DGCR2: variants seen among roughly 807,000 people sequenced by gnomAD.
DGCR2 encodes DiGeorge syndrome critical region gene 2.
In DGCR2, 24 loss-of-function variants were observed where a neutral mutation model predicts 51.6. The observed-to-expected ratio is 0.47, with a 90% confidence interval of 0.34 to 0.65. The LOEUF (loss-of-function observed/expected upper bound fraction) is 0.65. Among genes scored for constraint, DGCR2 ranks in the 30% least tolerant of loss-of-function variants. The probability of loss-of-function intolerance (pLI) is 0.01; values close to 1 mark genes in which losing one functional copy is unlikely to be tolerated. For missense variants in DGCR2, 765 were observed against 772.1 expected (o/e 0.99, Z 0.11); for synonymous variants, 340 against 315.4 (o/e 1.08, Z -0.82).
chr22:19,049,188 C>T (rs2082522915), intron 6 of DGCR2, among the ~76,000 whole-genome samples: 1 of 152,224 alleles, frequency 6.6e-6, no homozygotes, highest in Non-Finnish European at 1.5e-5. Context: ...TAAGATGCAG[C>T]TGCTATGAGT....
intron 1 of DGCR2, among the ~76,000 whole-genome samples, chr22:19,101,332 T>G (rs1489711334): frequency 6.6e-6 from 1 of 152,088 alleles, no homozygotes. Flanking sequence ...CCATGACAGA[T>G]GGGAGGATAA....
At chr22:19,062,775 G>GCTCGCGCTCTCGCTCTCTCTCT (rs1491258740) in intron 5 of DGCR2, among the ~76,000 whole-genome samples, 1 of 108,860 alleles carries the variant, frequency 9.2e-6, no homozygotes, top group Non-Finnish European at 1.9e-5. Context: ...ACACATGCAT[G>GCTCGCGCTCTCGCTCTCTCTCT]CTCACTCTCT....
intron 6 of DGCR2, among the ~76,000 whole-genome samples, chr22:19,052,815 A>C (rs531097096): frequency 6.6e-6 from 1 of 152,150 alleles, no homozygotes; most frequent in Non-Finnish European, 1.5e-5. Context: ...TAAAAGTAAC[A>C]ATTTGGATGA....
At chr22:19,062,779 A>ATTCATTTT in intron 5 of DGCR2, among the ~76,000 whole-genome samples, 5 of 127,348 alleles carry the variant, frequency 3.9e-5, no homozygotes, top group Non-Finnish European at 7.2e-5. Context: ...ATGCATGCTC[A>ATTCATTTT]CTCTCTCTCT....
intron 1 of DGCR2, among the ~76,000 whole-genome samples, chr22:19,120,510 A>G (rs2083420672): frequency 6.6e-6 from 1 of 152,168 alleles, no homozygotes. Context: ...AAGCACCCAC[A>G]GGCACTTTCT....
intron 2 of DGCR2, among the ~76,000 whole-genome samples, chr22:19,083,018 C>T (rs969703400): frequency 1.4e-5 from 2 of 145,992 alleles, no homozygotes; most frequent in African/African-American, 2.6e-5. Context: ...GCCCAGGAGG[C>T]GGAGGTTGCA....
intron 6 of DGCR2, among the ~76,000 whole-genome samples, chr22:19,051,241 G>A (rs2146316369): frequency 6.8e-6 from 1 of 146,956 alleles, no homozygotes; most frequent in South Asian, 2.2e-4. Flanking sequence ...AAATAACTAG[G>A]ACTTCATTAA....
intron 5 of DGCR2, among the ~76,000 whole-genome samples, chr22:19,058,585 T>G (rs1259036369): frequency 6.6e-6 from 1 of 152,214 alleles, no homozygotes; most frequent in Non-Finnish European, 1.5e-5. Flanking sequence ...CTTCACTATT[T>G]GCCTTCTTGT....
intron 2 of DGCR2, among the ~76,000 whole-genome samples, chr22:19,079,051 C>A (rs1322135853): frequency 1.3e-5 from 2 of 152,066 alleles, no homozygotes; most frequent in Non-Finnish European, 2.9e-5. Flanking sequence ...TCAGTCTTGG[C>A]AGGTTGTATG....
chr22:19,046,869 C>A, intron 7 of DGCR2: 3 of 275,436 alleles, frequency 1.1e-5, no homozygotes, highest in South Asian at 5.4e-5. Flanking sequence ...CATACATGCC[C>A]ACAAATGGGT....
chr22:19,048,663 T>G lies in DGCR2; in HGVS notation c.803-20A>C, dbSNP rs1377492826. 1 of 1,613,468 alleles carries G rather than the reference T, an allele frequency of 6.2e-7. No homozygotes were observed. Among genetic ancestry groups the G allele is most frequent in the Non-Finnish European group, 8.5e-7 (1 of 1,179,424 alleles). ...TTTGACCTGCAATGAGCATACATTG[T>G]GTACAGATGTATACAATGCCAAAAA... On this transcript the variant is annotated intron_variant, in intron 6 of 9. Coordinates refer to ENST00000263196, the MANE Select transcript of DGCR2 (RefSeq NM_005137.3).
intron 1 of DGCR2, among the ~76,000 whole-genome samples, chr22:19,112,245 C>T (rs1347044507): frequency 6.7e-6 from 1 of 149,648 alleles, no homozygotes; most frequent in African/African-American, 2.5e-5. Flanking sequence ...TGCACTCCAG[C>T]CTAGGTGACA....
At chr22:19,091,062 G>T (rs2083072898) in intron 1 of DGCR2, among the ~76,000 whole-genome samples, 1 of 121,204 alleles carries the variant, frequency 8.3e-6, no homozygotes, top group Non-Finnish European at 1.7e-5. Context: ...TCAAAGGATA[G>T]CTGGAAGGGC....
rs532101217 is a variant in DGCR2 at position 19,110,886 on chromosome 22, T to C, written c.79+11242A>G. Reference sequence around the variant, plus strand: ...TCCTATAAAAAGACATCACATCTCATGCTGCAATTATAAAGCAGAAATATG... The same window carrying C: ...TCCTATAAAAAGACATCACATCTCACGCTGCAATTATAAAGCAGAAATATG... On this transcript the variant is annotated intron_variant, in intron 1 of 9. Coordinates refer to ENST00000263196, the MANE Select transcript of DGCR2 (RefSeq NM_005137.3). 1.7e-4 allele frequency among the ~76,000 whole-genome samples: 26 copies of C among 152,342 alleles called. 1 individual carries two copies. Among genetic ancestry groups the C allele is most frequent in the South Asian group, 6.2e-4 (3 of 4,834 alleles).
chr22:19,049,630 C>G (rs1303636835), intron 6 of DGCR2, among the ~76,000 whole-genome samples: 1 of 152,098 alleles, frequency 6.6e-6, no homozygotes, highest in Non-Finnish European at 1.5e-5. Flanking sequence ...AGTTCAAGAC[C>G]AGCCTGGCCA....
At chr22:19,111,200 A>C (rs2083310765) in intron 1 of DGCR2, among the ~76,000 whole-genome samples, 1 of 152,220 alleles carries the variant, frequency 6.6e-6, no homozygotes, top group African/African-American at 2.4e-5. Flanking sequence ...GTGTGGTGAG[A>C]TCACAGAGGG....
At chr22:19,072,967 G>C (rs1181152865) in intron 2 of DGCR2, among the ~76,000 whole-genome samples, 2 of 151,986 alleles carry the variant, frequency 1.3e-5, no homozygotes, top group South Asian at 2.1e-4. Context: ...TTGTACAAAT[G>C]AACAGGAGGC....
chr22:19,084,601 C>G (rs1402150016), intron 2 of DGCR2, among the ~76,000 whole-genome samples: 12 of 148,472 alleles, frequency 8.1e-5, no homozygotes, highest in Admixed American at 1.3e-4. Context: ...CCCCTCCGCC[C>G]GGCAGCCGCC....
rs1476392781 is a variant in DGCR2, at chr22:19,036,825, T to A, written c.*2040A>T. On this transcript the variant is annotated 3_prime_UTR_variant, in exon 10 of 10. Coordinates refer to ENST00000263196, the MANE Select transcript of DGCR2 (RefSeq NM_005137.3). ...AGCCTGCATGGTCCACTTTACCCCGTTTCCTCACTGCCCCCTACGTGTCTG... is the reference window on the plus strand; with the variant it reads ...AGCCTGCATGGTCCACTTTACCCCGATTCCTCACTGCCCCCTACGTGTCTG... 2 of 152,422 alleles carry A rather than the reference T, an allele frequency of 1.3e-5. No individual in the cohort carries two copies. Among genetic ancestry groups the A allele is most frequent in the African/African-American group, 4.8e-5 (2 of 41,450 alleles). The allele number at this position is 152,422 out of a possible 1,614,324, so 9.4% of individuals were successfully genotyped here.
Sources: gnomAD v4.1 joint callset for allele counts (sites outside exome capture counted in the v4.1 genomes callset) on GRCh38, gnomAD v4.1.1 for gene constraint, MANE v1.5 for transcripts, NCBI Gene and HGNC (gene_info 2026-07-23, HGNC 2026-07-21) for gene names.